CFH: variants seen among roughly 807,000 people sequenced by gnomAD.
CFH encodes the protein complement factor H.
CFH carries 53 observed loss-of-function variants against 147.3 expected under a neutral mutation model. That is an observed-to-expected ratio of 0.36 (90% CI 0.29 to 0.45). The LOEUF (loss-of-function observed/expected upper bound fraction) is 0.45. Among genes scored for constraint, CFH ranks in the 20% least tolerant of loss-of-function variants. CFH has a pLI of 1.00. For synonymous variants in CFH, 536 were observed against 489.4 expected, an observed-to-expected ratio of 1.10 and a Z score of -1.26; for missense variants, 1,380 against 1,498.0, an observed-to-expected ratio of 0.92 and a Z score of 1.30.
rs190889809 is a variant in CFH at position 196,712,186 on chromosome 1, T to G, written c.1337-1549T>G. Among the ~76,000 whole-genome samples the G allele has an allele frequency of 1.5e-3, 225 of 152,228 alleles. 1 individual carries two copies. The highest frequency in any genetic ancestry group is 5.1e-3 in the African/African-American group (212 of 41,560). ...GTCTGAAAATGTTATTTTCATCTATTTTGTTCCATTTCCTTATTTGTGGCA... is the reference window on the plus strand; with the variant it reads ...GTCTGAAAATGTTATTTTCATCTATGTTGTTCCATTTCCTTATTTGTGGCA... On this transcript the variant is annotated intron_variant, in intron 9 of 21. Coordinates refer to ENST00000367429, the MANE Select transcript of CFH (RefSeq NM_000186.4).
chr1:196,672,039 A>T (rs908041990), intron 1 of CFH, among the ~76,000 whole-genome samples: 8 of 151,908 alleles, frequency 5.3e-5, no homozygotes, highest in African/African-American at 1.4e-4. Context: ...CCATTTTCTT[A>T]TTGAGACTTT....
Position 196,728,445 on chromosome 1 carries a change from A to G in CFH, c.2336A>G (p.Tyr779Cys), listed in dbSNP as rs749941256. The change falls in exon 15 of 22, where the codon TAC (tyrosine) becomes TGC (cysteine). Residue 779 changes from tyrosine to cysteine, a missense_variant. By Grantham distance (194) the Tyr-to-Cys change is radical. This residue lies in a region of CFH where 830 missense variants were observed against 821.4 expected (regional missense o/e 1.01). Transcript: ENST00000367429. The part of the protein sequence containing the change: ...KEFDHNSNIR[Y>C]RCRGKEGWIH... ...TTCGATCATAATTCTAACATAAGGT[A>G]CAGATGTAGAGGAAAAGAAGGATGG... 2 of 1,612,400 alleles carry G rather than the reference A, an allele frequency of 1.2e-6. No homozygotes were observed. The highest frequency in any genetic ancestry group is 1.1e-5 in the South Asian group (1 of 91,046).
chr1:196,717,907 A>G (rs1462828129), intron 11 of CFH, among the ~76,000 whole-genome samples: 1 of 152,118 alleles, frequency 6.6e-6, no homozygotes, highest in African/African-American at 2.4e-5. Flanking sequence ...ATGGGAAGGA[A>G]AATGAGCAGT....
chr1:196,681,167 C>A (rs372046497), intron 6 of CFH, among the ~76,000 whole-genome samples: 1 of 151,816 alleles, frequency 6.6e-6, no homozygotes. Flanking sequence ...AACTTATAAA[C>A]CACTTATTTT....
intron 11 of CFH, among the ~76,000 whole-genome samples, chr1:196,719,024 G>T (rs184565412): frequency 9.2e-5 from 14 of 152,058 alleles, no homozygotes; most frequent in Admixed American, 2.0e-4. Flanking sequence ...TTGTGGAAAG[G>T]TTTCCACAGA....
intron 6 of CFH, among the ~76,000 whole-genome samples, chr1:196,683,609 A>C (rs1256170807): frequency 7.9e-5 from 12 of 151,870 alleles, no homozygotes; most frequent in South Asian, 2.1e-4. Flanking sequence ...GTGGTTGATA[A>C]GGTAAGAAAG....
At position 196,677,796 on chromosome 1, in the gene CFH, C is replaced by T; in HGVS notation, c.619+129C>T. 4 of 873,842 alleles carry T rather than the reference C, an allele frequency of 4.6e-6. No homozygotes were observed. The South Asian group carries it at 5.8e-5, about 13-fold the overall frequency. 54.1% of individuals were successfully genotyped at this position (873,842 alleles called of 1,614,324 possible). A position where few individuals can be genotyped will look rare whatever the true frequency, so the allele number is the denominator to read the frequency against. On this transcript the variant is annotated intron_variant, in intron 5 of 21. Transcript: ENST00000367429. ...ATGTTTATTGAGCACTTACTATCTG[C>T]CTGTAATTGAGCTAAGTTCTTTGCA...
intron 4 of CFH, 114 bp downstream of exon 4, chr1:196,676,179 T>C: frequency 1.5e-6 from 1 of 657,668 alleles, no homozygotes; most frequent in East Asian, 3.0e-5. Flanking sequence ...AATGTTTTTT[T>C]TTCTCATACA....
At chr1:196,712,751 T>A (rs1270558800) in intron 9 of CFH, among the ~76,000 whole-genome samples, 1 of 144,262 alleles carries the variant, frequency 6.9e-6, no homozygotes, top group Non-Finnish European at 1.5e-5. Context: ...TATCTCCTAA[T>A]GCTATCCCTC....
Position 196,673,024 on chromosome 1 carries a change from T to A in CFH, c.105T>A (p.Gly35=). 1 of 1,614,082 alleles carries A rather than the reference T, an allele frequency of 6.2e-7. No homozygotes were observed. Among genetic ancestry groups the A allele is most frequent in the African/African-American group, 1.3e-5 (1 of 75,032 alleles). ...GAAGAAATACAGAAATTCTGACAGGTTCCTGGTCTGACCAAACATATCCAG... is the reference window on the plus strand; with the variant it reads ...GAAGAAATACAGAAATTCTGACAGGATCCTGGTCTGACCAAACATATCCAG... ...PPRRNTEILT[G]SWSDQTYPEG... The change falls in exon 2 of 22, where the codon GGT becomes GGA. Residue 35 remains glycine, a synonymous_variant. Coordinates refer to ENST00000367429, the MANE Select transcript of CFH (RefSeq NM_000186.4).
chr1:196,709,379 A>G (rs1224925114), intron 9 of CFH, among the ~76,000 whole-genome samples: 1 of 152,158 alleles, frequency 6.6e-6, no homozygotes, highest in Non-Finnish European at 1.5e-5. Context: ...TGGGTATAAC[A>G]GCTTGCAGGT....
At chr1:196,703,056 T>C (rs1483044585) in intron 9 of CFH, among the ~76,000 whole-genome samples, 1 of 152,232 alleles carries the variant, frequency 6.6e-6, no homozygotes, top group African/African-American at 2.4e-5. Context: ...GCATTGGACA[T>C]GTTTTTGTCT....
At chr1:196,721,914 T>C (rs1158632238) in intron 11 of CFH, among the ~76,000 whole-genome samples, 2 of 152,018 alleles carry the variant, frequency 1.3e-5, no homozygotes, top group Non-Finnish European at 2.9e-5. Flanking sequence ...TCCATACCTT[T>C]ACCATGAGTT....
intron 9 of CFH, among the ~76,000 whole-genome samples, chr1:196,699,724 A>G (rs984392767): frequency 2.6e-5 from 4 of 152,188 alleles, no homozygotes; most frequent in Non-Finnish European, 5.9e-5. Flanking sequence ...TTACTGTTCC[A>G]GTATCACTTG....
chr1:196,746,697 C>T (rs529189035), intron 21 of CFH, among the ~76,000 whole-genome samples: 2 of 152,130 alleles, frequency 1.3e-5, no homozygotes, highest in African/African-American at 2.4e-5. Flanking sequence ...GCTTTCTTAC[C>T]AATTTTCAAA....
At chr1:196,670,469 T>C (rs1405529480) in intron 1 of CFH, among the ~76,000 whole-genome samples, 1 of 152,162 alleles carries the variant, frequency 6.6e-6, no homozygotes, top group Non-Finnish European at 1.5e-5. Flanking sequence ...GGGCAGTTTC[T>C]CCTATGCTAT....
chr1:196,689,395 C>CA, intron 7 of CFH, 25 bp from the exon 8 acceptor site: 1 of 1,598,810 alleles, frequency 6.3e-7, no homozygotes, highest in Non-Finnish European at 8.5e-7. Flanking sequence ...TTTCTTTATA[C>CA]TTTTTTTAAA....
At chr1:196,653,414 T>C (rs1666572127) in intron 1 of CFH, among the ~76,000 whole-genome samples, 1 of 151,884 alleles carries the variant, frequency 6.6e-6, no homozygotes, top group Admixed American at 6.6e-5. Context: ...CAATATTACC[T>C]ATTGTAAAAG....
intron 9 of CFH, among the ~76,000 whole-genome samples, chr1:196,706,729 A>G (rs1668598960): frequency 6.6e-6 from 1 of 152,098 alleles, no homozygotes; most frequent in Admixed American, 6.5e-5. Context: ...GGACACACTT[A>G]AAGAAGACTA....
Sources: allele counts gnomAD v4.1 joint callset (sites outside exome capture counted in the v4.1 genomes callset), GRCh38; gene constraint gnomAD v4.1.1; regional missense constraint gnomAD v4.1.1; transcripts MANE v1.5; gene names NCBI Gene and HGNC (gene_info 2026-07-23, HGNC 2026-07-21).